The following KCNH2 variants were observed in gnomAD, a reference collection of about 807,000 sequenced individuals.
KCNH2 encodes the protein potassium voltage-gated channel subfamily H member 2.
A neutral mutation model predicts 95.9 loss-of-function variants in KCNH2; 35 were observed. That is an observed-to-expected ratio of 0.37 (90% confidence interval 0.28 to 0.48). The LOEUF is 0.48. Among genes scored for constraint, KCNH2 ranks in the 20% least tolerant of loss-of-function variants. The pLI is 0.99. For synonymous variants in KCNH2, 786 were observed against 754.7 expected, an observed-to-expected ratio of 1.04 and a Z score of -0.68; for missense variants, 1,274 against 1,702.9, an observed-to-expected ratio of 0.75 and a Z score of 4.43.
chr7:150,971,759 G>C (rs952849722), intron 2 of KCNH2, among the ~76,000 whole-genome samples: 7 of 151,926 alleles, frequency 4.6e-5, no homozygotes, highest in Admixed American at 2.0e-4. Context: ...GAGAGGAGCC[G>C]AGAAGGTGGG....
At position 150,950,434 on chromosome 7, in the gene KCNH2, G is replaced by T. The variant is rs971275958; in HGVS notation, c.2146-14C>A. On this transcript the variant is annotated splice_polypyrimidine_tract_variant and intron_variant, in intron 8 of 14. Transcript: ENST00000262186. ...GCCCTTCAGCACCTGGGGGCAGGGT[G>T]GGGGCAGCTCAGCACACCCTCCCTT... 3.7e-6 allele frequency: 6 copies of T among 1,610,240 alleles called. No homozygotes were observed. In the African/African-American group the frequency reaches 6.7e-5, roughly 18 times the overall value.
chr7:150,951,951 G>C (rs1190633093), intron 6 of KCNH2, 116 bp from the exon 7 acceptor site: 1 of 965,414 alleles, frequency 1.0e-6, no homozygotes, highest in African/African-American at 1.6e-5. Flanking sequence ...AGACTTCCTA[G>C]ACCCTCCTCC....
In KCNH2 at chr7:150,958,068, C is replaced by A; in HGVS notation, c.907G>T (p.Ala303Ser). Residue 303 changes from alanine (A) to serine (S), a missense_variant, in exon 4 of 15, where the codon GCC (alanine) becomes TCC (serine). Ala to Ser is a moderately conservative substitution (Grantham distance 99, BLOSUM62 1). Coordinates refer to ENST00000262186, the MANE Select transcript of KCNH2 (RefSeq NM_000238.4). ...CCCGCGGCGCCCTCACCGGTGCTGGCGTGGCGCGGTGGCGGGGGCAGCACC... is the reference window on the plus strand; with the variant it reads ...CCCGCGGCGCCCTCACCGGTGCTGGAGTGGCGCGGTGGCGGGGGCAGCACC... ...AGVLPPPPRH[A>S]STGAMHPLRS... The A allele has an allele frequency of 1.6e-6, 2 of 1,274,594 alleles. No individual in the cohort carries two copies. The highest frequency in any genetic ancestry group is 2.9e-5 in the South Asian group (1 of 34,178). The allele number at this position is 1,274,594 out of a possible 1,614,324, so 79.0% of individuals were successfully genotyped here.
In KCNH2 at chr7:150,961,132, C is replaced by T. The variant is rs549201825; in HGVS notation, c.308-1396G>A. Among the ~76,000 whole-genome samples the T allele has an allele frequency of 2.0e-5, 3 of 152,224 alleles. No homozygotes were observed. The highest frequency in any genetic ancestry group is 2.1e-4 in the South Asian group (1 of 4,820). ...GTCTTCTCTGCCTCCCAGTGTCTCC[C>T]GTCCCCACGTTAGTGCCTAGCACCT... On this transcript the variant is annotated intron_variant, in intron 2 of 14. Coordinates refer to ENST00000262186, the MANE Select transcript of KCNH2 (RefSeq NM_000238.4). The surrounding 1 kb of genome is among the most constrained non-coding windows in gnomAD (Gnocchi z 6.2).
In KCNH2 at chr7:150,945,074, T is replaced by C. The variant is rs1800842037; in HGVS notation, c.*291A>G. 2.2e-6 allele frequency: 1 copy of C among 445,054 alleles called. No homozygotes were observed. The highest frequency in any genetic ancestry group is 5.0e-5 in the South Asian group (1 of 19,888). The allele number at this position is 445,054 out of a possible 1,614,324, so 27.6% of individuals were successfully genotyped here. Reference sequence around the variant, plus strand: ...GAGCAGTAAATAGCAGAAAAGTCCTTGAGGTGCCTAAGGCCCAGGGCCGGG... The same window carrying C: ...GAGCAGTAAATAGCAGAAAAGTCCTCGAGGTGCCTAAGGCCCAGGGCCGGG... On this transcript the variant is annotated 3_prime_UTR_variant, in exon 15 of 15. Transcript: ENST00000262186. This position sits in a 1 kb window ranked among gnomAD's most constrained non-coding sequence, Gnocchi z 5.6.
At position 150,962,191 on chromosome 7, in the gene KCNH2, G is replaced by C. The variant is rs985050678; in HGVS notation, c.308-2455C>G. ...CCTGGAGTTTATGCCCTAATATGGT[G>C]ATGGCCGGCAGCGGCCTGAACAGGG... is the stretch of plus-strand genomic sequence containing the variant. On this transcript the variant is annotated intron_variant, in intron 2 of 14. Coordinates refer to ENST00000262186, the MANE Select transcript of KCNH2 (RefSeq NM_000238.4). The surrounding 1 kb of genome is among the most constrained non-coding windows in gnomAD (Gnocchi z 5.7). 1.3e-5 allele frequency among the ~76,000 whole-genome samples: 2 copies of C among 152,244 alleles called. No individual in the cohort carries two copies. The highest frequency in any genetic ancestry group is 4.8e-5 in the African/African-American group (2 of 41,460).
intron 5 of KCNH2, among the ~76,000 whole-genome samples, chr7:150,955,210 A>G (rs1354604539): frequency 6.6e-6 from 1 of 152,224 alleles, no homozygotes; most frequent in Admixed American, 6.5e-5. Flanking sequence ...GAAACTCTGT[A>G]AGCCCAGCCT....
Position 150,952,299 on chromosome 7 carries a change from T to TCTTTCTCC in KCNH2, c.1557+125_1557+126insGGAGAAAG, listed in dbSNP as rs1801202923. ...TTGCCACCATGTCTCTCTCCCACTG[T>TCTTTCTCC]CTTTCTCTCTTTCTCTCTCTCTCTC... On this transcript the variant is annotated intron_variant, in intron 6 of 14. Transcript: ENST00000262186. This position sits in a 1 kb window ranked among gnomAD's most constrained non-coding sequence, Gnocchi z 7.3. The TCTTTCTCC allele has an allele frequency of 8.0e-6, 8 of 1,000,302 alleles. No individual in the cohort carries two copies. In the Admixed American group the frequency reaches 1.2e-4, roughly 15 times the overall value. The allele number at this position is 1,000,302 out of a possible 1,614,324, so 62.0% of individuals were successfully genotyped here.
At chr7:150,947,220 T>C (rs1800928950) in intron 13 of KCNH2, 108 bp downstream of exon 13, 2 of 1,152,528 alleles carry the variant, frequency 1.7e-6, no homozygotes, top group East Asian at 2.6e-5. Context: ...AAGAAGGGGA[T>C]CCAGCTGCTG....
chr7:150,957,596 A>T, intron 4 of KCNH2, 94 bp from the exon 5 acceptor site: 2 of 893,540 alleles, frequency 2.2e-6, no homozygotes, highest in Non-Finnish European at 3.6e-6. Context: ...GGCCCTGCAC[A>T]GTCAGGAGTC....
intron 2 of KCNH2, 111 bp from the exon 3 acceptor site, chr7:150,959,847 G>A (rs760730335): frequency 6.0e-5 from 72 of 1,203,962 alleles, no homozygotes; most frequent in Admixed American, 7.6e-5. Context: ...CTGCCTCCCC[G>A]TATGGCCCTT....
In KCNH2 at chr7:150,945,595, G is replaced by A; in HGVS notation, c.3331-81C>T. 4 of 1,432,384 alleles carry A rather than the reference G, an allele frequency of 2.8e-6. No homozygotes were observed. Among genetic ancestry groups the A allele is most frequent in the Admixed American group, 3.9e-5 (2 of 50,888 alleles). 88.7% of individuals were successfully genotyped at this position (1,432,384 alleles called of 1,614,324 possible). A position where few individuals can be genotyped will look rare whatever the true frequency, so the allele number is the denominator to read the frequency against. On this transcript the variant is annotated intron_variant, in intron 14 of 14. Coordinates refer to ENST00000262186, the MANE Select transcript of KCNH2 (RefSeq NM_000238.4). This position sits in a 1 kb window ranked among gnomAD's most constrained non-coding sequence, Gnocchi z 5.6. ...GAGGGAAAGGGGCAGGAGAACCCGG[G>A]GACAGAGGATGGACGGGAGGACAGG...
Position 150,945,619 on chromosome 7 carries a change from G to A in KCNH2, c.3331-105C>T. ...GGGACAGAGGATGGACGGGAGGACA[G>A]GAGGGCCAAGAGGAGAGTCAGGTGG... On this transcript the variant is annotated intron_variant, in intron 14 of 14. Transcript: ENST00000262186. The surrounding 1 kb of genome is among the most constrained non-coding windows in gnomAD (Gnocchi z 5.6). 1 of 1,228,370 alleles carries A rather than the reference G, an allele frequency of 8.1e-7. No homozygotes were observed. The highest frequency in any genetic ancestry group is 1.3e-5 in the South Asian group (1 of 77,396). 76.1% of individuals were successfully genotyped at this position (1,228,370 alleles called of 1,614,324 possible). A position where few individuals can be genotyped will look rare whatever the true frequency, so the allele number is the denominator to read the frequency against.
Position 150,950,561 on chromosome 7 carries a change from G to A in KCNH2, c.2146-141C>T. 7 of 1,183,016 alleles carry A rather than the reference G, an allele frequency of 5.9e-6. No homozygotes were observed. In the South Asian group the frequency reaches 9.2e-5, roughly 16 times the overall value. The allele number at this position is 1,183,016 out of a possible 1,614,324, so 73.3% of individuals were successfully genotyped here. ...GATCTCGGAAGCATCAGGGGGCCCA[G>A]TGTCTTGGGAAGGACCTGGGACCCC... On this transcript the variant is annotated intron_variant, in intron 8 of 14. Coordinates refer to ENST00000262186, the MANE Select transcript of KCNH2 (RefSeq NM_000238.4).
rs2116932035 is a variant in KCNH2, at chr7:150,947,661, C to T, written c.2910G>A (p.Gly970=). ...SPRPPGEPPG[G]EPLMEDCEKS... The stretch of plus-strand genomic sequence containing the variant: ...TCTCGCAGTCCTCCATCAGGGGCTC[C>T]CCACCCGGCGGCTCTCCGGGGGGCC... The change falls in exon 12 of 15, where the codon GGG becomes GGA. Residue 970 remains glycine (G), a synonymous_variant. Transcript: ENST00000262186. 6.2e-7 allele frequency: 1 copy of T among 1,609,976 alleles called. No homozygotes were observed. The highest frequency in any genetic ancestry group is 8.5e-7 in the Non-Finnish European group (1 of 1,178,494).
chr7:150,948,576 G>C (rs753441889), intron 10 of KCNH2, 33 bp from the exon 11 acceptor site: 1 of 1,572,176 alleles, frequency 6.4e-7, no homozygotes, highest in Non-Finnish European at 8.7e-7. Context: ...GGCCCTTTCA[G>C]TGCTCTCCTG....
chr7:150,969,504 T>C (rs1353122454), intron 2 of KCNH2, among the ~76,000 whole-genome samples: 3 of 152,092 alleles, frequency 2.0e-5, no homozygotes, highest in Non-Finnish European at 4.4e-5. Context: ...TGCCCCACAA[T>C]GTCCACGCAA....
In KCNH2 at chr7:150,959,732, G is replaced by A. The variant is rs1554428245; in HGVS notation, c.312C>T (p.Ser104=). The change falls in exon 3 of 15, where the codon AGC becomes AGT. Residue 104 remains serine (S), a synonymous_variant. Coordinates refer to ENST00000262186, the MANE Select transcript of KCNH2 (RefSeq NM_000238.4). The part of the protein sequence containing the change: ...VEIAFYRKDG[S]CFLCLVDVVP... ...CCACATCCACCAGACATAGGAAGCA[G>A]CTCCCTGCAGAGTGGGAGGACATAG... 1.2e-6 allele frequency: 2 copies of A among 1,614,178 alleles called. No individual in the cohort carries two copies. Among genetic ancestry groups the A allele is most frequent in the South Asian group, 2.2e-5 (2 of 91,080 alleles).
At chr7:150,959,284 G>A (rs1367021309) in intron 3 of KCNH2, among the ~76,000 whole-genome samples, 1 of 152,202 alleles carries the variant, frequency 6.6e-6, no homozygotes, top group Non-Finnish European at 1.5e-5. Context: ...GCTCCCAGGG[G>A]ATGCTGGGAT....
Sources: allele counts gnomAD v4.1 joint callset (sites outside exome capture counted in the v4.1 genomes callset), GRCh38; gene constraint gnomAD v4.1.1; non-coding constraint Gnocchi (gnomAD v3.1); transcripts MANE v1.5; gene names NCBI Gene and HGNC (gene_info 2026-07-23, HGNC 2026-07-21).